The following MGAM2 variants were observed in gnomAD, a reference collection of about 807,000 sequenced individuals.
The protein encoded by MGAM2 is maltase-glucoamylase 2 (putative).
A neutral mutation model predicts 96.1 loss-of-function variants in MGAM2; 98 were observed. That is an observed-to-expected ratio of 1.02 (90% CI 0.87 to 1.21). MGAM2 has a LOEUF of 1.21. MGAM2 is among the 50% of genes most tolerant of loss of function. MGAM2 has a pLI of 0.00. For missense variants in MGAM2, 2,055 were observed against 1,182.4 expected, an observed-to-expected ratio of 1.74 and a Z score of -10.82; for synonymous variants, 749 against 414.8, an observed-to-expected ratio of 1.81 and a Z score of -9.79.
At chr7:142,117,599 T>A (rs780341135) in intron 2 of MGAM2, among the ~76,000 whole-genome samples, 2 of 152,176 alleles carry the variant, frequency 1.3e-5, no homozygotes, top group African/African-American at 2.4e-5. Context: ...ACTTTACAGA[T>A]GTGAATTGAA....
At chr7:142,164,114 C>T (rs1314351691) in intron 23 of MGAM2, among the ~76,000 whole-genome samples, 1 of 151,896 alleles carries the variant, frequency 6.6e-6, no homozygotes, top group African/African-American at 2.4e-5. Context: ...TGTGTATGTC[C>T]AGTTGCCCCA....
At chr7:142,215,319 A>G (rs1019918848) in intron 46 of MGAM2, among the ~76,000 whole-genome samples, 6 of 152,080 alleles carry the variant, frequency 3.9e-5, no homozygotes, top group Non-Finnish European at 2.9e-5. Context: ...GGGCAAGGAG[A>G]CAGATAGCAT....
intron 1 of MGAM2, among the ~76,000 whole-genome samples, chr7:142,113,630 T>C (rs892992253): frequency 6.6e-6 from 1 of 152,148 alleles, no homozygotes; most frequent in Middle Eastern, 3.2e-3. Flanking sequence ...TGGGGAGAGA[T>C]GATTTCATGT....
chr7:142,161,727 T>C (rs1795893496), intron 22 of MGAM2, among the ~76,000 whole-genome samples: 1 of 152,182 alleles, frequency 6.6e-6, no homozygotes, highest in Non-Finnish European at 1.5e-5. Context: ...ATAAATACAA[T>C]GCAAATCAAA....
At chr7:142,123,824 T>A (rs947922128) in intron 3 of MGAM2, among the ~76,000 whole-genome samples, 7 of 152,166 alleles carry the variant, frequency 4.6e-5, no homozygotes, top group Admixed American at 3.9e-4. Flanking sequence ...TTCTATTTAG[T>A]AATTCTTGCC....
chr7:142,142,817 G>A (rs1234169138), intron 12 of MGAM2, among the ~76,000 whole-genome samples: 1 of 152,102 alleles, frequency 6.6e-6, no homozygotes, highest in African/African-American at 2.4e-5. Flanking sequence ...CAAAGTGTTG[G>A]GATTACAGGC....
chr7:142,147,501 C>T lies in MGAM2; in HGVS notation c.1562C>T (p.Thr521Met), dbSNP rs560752138. The T allele has an allele frequency of 2.3e-5, 16 of 702,744 alleles. No homozygotes were observed. The highest frequency in any genetic ancestry group is 8.7e-5 in the African/African-American group (5 of 57,364). 43.5% of individuals were successfully genotyped at this position (702,744 alleles called of 1,614,324 possible). A position where few individuals can be genotyped will look rare whatever the true frequency, so the allele number is the denominator to read the frequency against. Residue 521 changes from threonine (T) to methionine (M), a missense_variant, in exon 15 of 48, where the codon ACG (threonine) becomes ATG (methionine). Transcript: ENST00000477922. Reference protein sequence around the residue: ...LLFARTLCMDTEFHGGLHYDI... With the variant: ...LLFARTLCMDMEFHGGLHYDI... Reference sequence around the variant, plus strand: ...TTTGCAAGAACTCTCTGCATGGACACGGAGTTTCATGGGGGCCTTCATTAT... The same window carrying T: ...TTTGCAAGAACTCTCTGCATGGACATGGAGTTTCATGGGGGCCTTCATTAT...
chr7:142,189,665 A>G (rs563833558), intron 37 of MGAM2, among the ~76,000 whole-genome samples, 160 bp downstream of exon 37: 1 of 152,376 alleles, frequency 6.6e-6, no homozygotes, highest in Admixed American at 6.5e-5. Flanking sequence ...GAGCGCATTT[A>G]TCAAGTGGGT....
In MGAM2 at chr7:142,199,898, A is replaced by G. The variant is rs201561024; in HGVS notation, c.5067A>G (p.Gly1689=). Reference sequence around the variant, plus strand: ...TTGGTAGTCGACAAAATTTTATGGGATTGATTGTTGCTTTGGATGACAATG... The same window carrying G: ...TTGGTAGTCGACAAAATTTTATGGGGTTGATTGTTGCTTTGGATGACAATG... ...NTHSSRQNFM[G]LIVALDDNGT... The change falls in exon 45 of 48, where the codon GGA becomes GGG. Residue 1689 remains glycine, a synonymous_variant. Transcript: ENST00000477922. 1.4e-3 allele frequency: 946 copies of G among 671,922 alleles called. 7 individuals are homozygous for G. The Middle Eastern group carries it at 0.028, about 20-fold the overall frequency. The allele number at this position is 671,922 out of a possible 1,614,324, so 41.6% of individuals were successfully genotyped here.
rs535835358 is a variant in MGAM2, at chr7:142,216,241, C to T, written c.5188-2120C>T. ...GGTTGAAGACTCTACATATTTTTTC[C>T]TCTCAAATATTATTTTAATGAATAT... On this transcript the variant is annotated intron_variant, in intron 46 of 47. Coordinates refer to ENST00000477922, the MANE Select transcript of MGAM2 (RefSeq NM_001293626.2). 1.2e-3 allele frequency among the ~76,000 whole-genome samples: 176 copies of T among 152,132 alleles called. 2 individuals carry two copies. The South Asian group carries it at 0.035, about 30-fold the overall frequency.
rs1367186822 is a variant in MGAM2, at chr7:142,172,780, G to T, written c.3561+16G>T. The T allele has an allele frequency of 1.4e-6, 1 of 690,508 alleles. No individual in the cohort carries two copies. The highest frequency in any genetic ancestry group is 2.6e-6 in the Non-Finnish European group (1 of 380,996). 42.8% of individuals were successfully genotyped at this position (690,508 alleles called of 1,614,324 possible). On this transcript the variant is annotated intron_variant, in intron 30 of 47. Coordinates refer to ENST00000477922, the MANE Select transcript of MGAM2 (RefSeq NM_001293626.2). ...ATACACAGAGGTTAGAAGCCATTCTGTCCATCAATATATTGTCAAATATTT... is the reference window on the plus strand; with the variant it reads ...ATACACAGAGGTTAGAAGCCATTCTTTCCATCAATATATTGTCAAATATTT...
At chr7:142,136,152 G>T (rs189157764) in intron 7 of MGAM2, among the ~76,000 whole-genome samples, 20 of 152,206 alleles carry the variant, frequency 1.3e-4, no homozygotes, top group Admixed American at 3.9e-4. Context: ...AAACTCCAGA[G>T]CTTGCTTCAG....
intron 15 of MGAM2, among the ~76,000 whole-genome samples, chr7:142,150,059 A>G (rs1024911086): frequency 2.6e-5 from 4 of 151,638 alleles, no homozygotes; most frequent in African/African-American, 9.7e-5. Flanking sequence ...TTCCTGCCTC[A>G]GGCTCCTGAG....
intron 26 of MGAM2, among the ~76,000 whole-genome samples, chr7:142,168,015 T>C (rs771466633): frequency 4.6e-5 from 7 of 152,180 alleles, no homozygotes; most frequent in Non-Finnish European, 8.8e-5. Flanking sequence ...TGATGAGTAT[T>C]CTAGGTCATA....
chr7:142,203,913 G>T (rs995124329), intron 45 of MGAM2, among the ~76,000 whole-genome samples: 1 of 151,934 alleles, frequency 6.6e-6, no homozygotes, highest in South Asian at 2.1e-4. Context: ...TGCTCTTCAT[G>T]TTCTTCTTTT....
Position 142,220,216 on chromosome 7 carries a change from C to G in MGAM2, c.5705C>G (p.Thr1902Arg), listed in dbSNP as rs1278688761. 1.4e-6 allele frequency: 1 copy of G among 702,730 alleles called. No homozygotes were observed. Among genetic ancestry groups the G allele is most frequent in the Non-Finnish European group, 2.6e-6 (1 of 384,944 alleles). 43.5% of individuals were successfully genotyped at this position (702,730 alleles called of 1,614,324 possible). ...STNATVPITT[T>R]PFPTSTIGVT... ...AATGCTACTGTTCCTATCACAACCACACCTTTCCCAACAAGTACTATTGGT... is the reference window on the plus strand; with the variant it reads ...AATGCTACTGTTCCTATCACAACCAGACCTTTCCCAACAAGTACTATTGGT... Residue 1902 changes from threonine to arginine, a missense_variant, in exon 48 of 48, where the codon ACA becomes AGA. By Grantham distance (71) the Thr-to-Arg change is moderately conservative. Coordinates refer to ENST00000477922, the MANE Select transcript of MGAM2 (RefSeq NM_001293626.2).
chr7:142,201,071 CTTTTTTTTTTCTTTTT>C (rs1437082741), intron 45 of MGAM2, among the ~76,000 whole-genome samples: 6 of 84,382 alleles, frequency 7.1e-5, no homozygotes, highest in East Asian at 6.9e-4. Flanking sequence ...CATCCTTTTT[CTTTTTTTTTTCTTTTT>C]TTTTTTTTTT....
chr7:142,159,375 C>T (rs1057299991), intron 20 of MGAM2, 32 bp downstream of exon 20: 5 of 701,690 alleles, frequency 7.1e-6, no homozygotes, highest in Non-Finnish European at 1.3e-5. Context: ...GGCTCACAGA[C>T]CTGCCTCTAG....
chr7:142,119,783 G>A (rs1007307078), intron 2 of MGAM2, among the ~76,000 whole-genome samples: 8 of 152,160 alleles, frequency 5.3e-5, no homozygotes, highest in Non-Finnish European at 1.2e-4. Flanking sequence ...CTTATGCCAG[G>A]TGAAAGGAGC....
Sources: allele counts gnomAD v4.1 joint callset (sites outside exome capture counted in the v4.1 genomes callset), GRCh38; gene constraint gnomAD v4.1.1; transcripts MANE v1.5; gene names NCBI Gene and HGNC (gene_info 2026-07-23, HGNC 2026-07-21).